The following MDGA2 variants were observed in gnomAD, a reference collection of about 807,000 sequenced individuals.
The protein encoded by MDGA2 is MAM domain containing glycosylphosphatidylinositol anchor 2.
Under a neutral mutation model 117.8 loss-of-function variants are expected in MDGA2, and 40 were observed. That is an observed-to-expected ratio of 0.34 (90% confidence interval 0.26 to 0.44). The LOEUF (loss-of-function observed/expected upper bound fraction) is 0.44, where lower values mean the gene tolerates loss of function less well. MDGA2 is among the 20% of genes least tolerant of loss of function. MDGA2 has a pLI of 1.00. For missense variants in MDGA2, 1,123 were observed against 1,250.6 expected, an observed-to-expected ratio of 0.90 and a Z score of 1.54; for synonymous variants, 452 against 439.0, an observed-to-expected ratio of 1.03 and a Z score of -0.37.
intron 2 of MDGA2, among the ~76,000 whole-genome samples, chr14:47,249,071 G>A (rs1398682031): frequency 3.3e-5 from 5 of 150,800 alleles, no homozygotes; most frequent in Admixed American, 2.0e-4. Context: ...AGGCTGGAGG[G>A]CAGTGGTGCG....
chr14:47,293,256 A>G (rs1888949024), intron 2 of MDGA2, among the ~76,000 whole-genome samples: 1 of 152,178 alleles, frequency 6.6e-6, no homozygotes, highest in Non-Finnish European at 1.5e-5. Flanking sequence ...TAGCTCCTAT[A>G]TCTCTAGCTC....
At chr14:47,266,044 T>A (rs1235337256) in intron 2 of MDGA2, among the ~76,000 whole-genome samples, 1 of 152,148 alleles carries the variant, frequency 6.6e-6, no homozygotes, top group East Asian at 1.9e-4. Flanking sequence ...TCCTCATATG[T>A]TACCTCATTT....
rs941436385 is a variant in MDGA2 at position 47,489,202 on chromosome 14, C to CA, written c.280+185314dup. ...AAGAGAAATTAGTGCTTCTCTGACA[C>CA]AAAAAAAAATTTGAACTGAAATCTT... is the stretch of plus-strand genomic sequence containing the variant. On this transcript the variant is annotated intron_variant, in intron 1 of 16. Coordinates refer to ENST00000399232, the MANE Select transcript of MDGA2 (RefSeq NM_001113498.3). 9.0e-5 allele frequency among the ~76,000 whole-genome samples: 11 copies of CA among 121,978 alleles called. No individual in the cohort carries two copies. In the East Asian group the frequency reaches 9.4e-4, roughly 10 times the overall value. The allele number at this position is 121,978 out of a possible 152,430, so 80.0% of individuals were successfully genotyped here.
chr14:47,194,249 G>A (rs1389421137), intron 3 of MDGA2, among the ~76,000 whole-genome samples: 1 of 152,120 alleles, frequency 6.6e-6, no homozygotes, highest in Non-Finnish European at 1.5e-5. Context: ...TCAGGCTTAA[G>A]TTCATCCAGA....
chr14:47,174,809 T>C (rs1232102581), intron 3 of MDGA2, among the ~76,000 whole-genome samples: 2 of 151,306 alleles, frequency 1.3e-5, no homozygotes, highest in African/African-American at 2.4e-5. Context: ...AGAGGAGAAC[T>C]GAAGGAAATA....
In MDGA2 at chr14:47,521,434, C is replaced by CA. The variant is rs566228781; in HGVS notation, c.280+153082dup. Among the ~76,000 whole-genome samples the CA allele has an allele frequency of 9.9e-5, 15 of 152,052 alleles. No individual in the cohort carries two copies. In the East Asian group the frequency reaches 2.7e-3, roughly 27 times the overall value. On this transcript the variant is annotated intron_variant, in intron 1 of 16. Transcript: ENST00000399232. ...ATCCTGACCTTGCCATTGCCCTCTC[C>CA]AAAAAACAAACAAACAAATAAACAG...
At chr14:47,378,559 A>G (rs1333693281) in intron 1 of MDGA2, among the ~76,000 whole-genome samples, 2 of 152,198 alleles carry the variant, frequency 1.3e-5, no homozygotes, top group Non-Finnish European at 2.9e-5. Context: ...CAGGAGAACT[A>G]AGTGATGCAT....
intron 2 of MDGA2, among the ~76,000 whole-genome samples, chr14:47,270,053 A>G (rs1356578945): frequency 1.3e-5 from 2 of 152,174 alleles, no homozygotes; most frequent in African/African-American, 4.8e-5. Context: ...AAATTCCATA[A>G]CAAGCTCTGA....
intron 2 of MDGA2, among the ~76,000 whole-genome samples, chr14:47,290,555 A>C (rs8010310): frequency 0.091 from 13,863 of 152,202 alleles, 785 homozygotes; most frequent in Non-Finnish European, 0.11. Flanking sequence ...AAATTTCACT[A>C]AACATTATAC....
intron 9 of MDGA2, among the ~76,000 whole-genome samples, chr14:46,933,909 A>G (rs2138558298): frequency 7.4e-6 from 1 of 134,616 alleles, no homozygotes; most frequent in African/African-American, 2.6e-5. Flanking sequence ...TACTGTTTCA[A>G]CTTAAATGAA....
intron 2 of MDGA2, among the ~76,000 whole-genome samples, chr14:47,247,764 G>A (rs1349135695): frequency 6.6e-6 from 1 of 150,952 alleles, no homozygotes; most frequent in African/African-American, 2.4e-5. Context: ...TCTACATTAG[G>A]TATTTCTCCT....
chr14:46,901,847 G>C (rs1160767824), intron 10 of MDGA2, among the ~76,000 whole-genome samples: 1 of 152,190 alleles, frequency 6.6e-6, no homozygotes, highest in Non-Finnish European at 1.5e-5. Context: ...TTAACTGAGA[G>C]CTATGTCCAA....
intron 1 of MDGA2, among the ~76,000 whole-genome samples, chr14:47,390,680 G>A (rs1217942644): frequency 6.6e-6 from 1 of 152,146 alleles, no homozygotes; most frequent in African/African-American, 2.4e-5. Flanking sequence ...GTGGATTTCT[G>A]TGATGCAGGT....
chr14:47,343,048 A>G (rs1890678859), intron 1 of MDGA2: 3 of 1,285,740 alleles, frequency 2.3e-6, no homozygotes, highest in Non-Finnish European at 3.0e-6. Context: ...CACTACCGTG[A>G]GTCCTGCGGC....
At chr14:47,549,171 G>C (rs182203744) in intron 1 of MDGA2, among the ~76,000 whole-genome samples, 1 of 152,122 alleles carries the variant, frequency 6.6e-6, no homozygotes, top group African/African-American at 2.4e-5. Flanking sequence ...GAAGCTGCTG[G>C]TTGGTAAGGG....
chr14:47,433,276 C>T (rs1474780675), intron 1 of MDGA2, among the ~76,000 whole-genome samples: 1 of 151,930 alleles, frequency 6.6e-6, no homozygotes, highest in African/African-American at 2.4e-5. Context: ...GAAACAGAGG[C>T]CTCTCTTCCT....
At chr14:47,370,050 G>A (rs1891311819) in intron 1 of MDGA2, among the ~76,000 whole-genome samples, 1 of 151,772 alleles carries the variant, frequency 6.6e-6, no homozygotes, top group Non-Finnish European at 1.5e-5. Flanking sequence ...GAAATATGAA[G>A]GCAAAAGACA....
intron 1 of MDGA2, among the ~76,000 whole-genome samples, chr14:47,592,112 G>C (rs1896452446): frequency 6.6e-6 from 1 of 151,990 alleles, no homozygotes; most frequent in South Asian, 2.1e-4. Flanking sequence ...CAAGCAGAGA[G>C]CCAAATCATG....
intron 8 of MDGA2, among the ~76,000 whole-genome samples, chr14:46,989,189 C>T (rs1449997746): frequency 6.6e-6 from 1 of 151,970 alleles, no homozygotes; most frequent in African/African-American, 2.4e-5. Context: ...CTTTCTGTGT[C>T]TATGTAGTTT....
Sources: gnomAD v4.1 joint callset for allele counts (sites outside exome capture counted in the v4.1 genomes callset) on GRCh38, gnomAD v4.1.1 for gene constraint, MANE v1.5 for transcripts, NCBI Gene and HGNC (gene_info 2026-07-23, HGNC 2026-07-21) for gene names.